Variants in LUZP2 observed in about 807,000 individuals in gnomAD.
LUZP2 encodes the protein leucine zipper protein 2.
LUZP2 carries 52 observed loss-of-function variants against 51.6 expected under a neutral mutation model. The observed-to-expected ratio is 1.01, with a 90% CI of 0.81 to 1.27. LUZP2 has a LOEUF of 1.27. Among genes scored for constraint, LUZP2 ranks in the 50% most tolerant of loss-of-function variants. LUZP2 has a pLI of 0.00. For synonymous variants in LUZP2, 154 were observed against 137.3 expected (o/e 1.12, Z -0.85); for missense variants, 436 against 395.4 (o/e 1.10, Z -0.87).
At chr11:24,906,516 G>A (rs1853458714) in intron 6 of LUZP2, among the ~76,000 whole-genome samples, 1 of 151,420 alleles carries the variant, frequency 6.6e-6, no homozygotes, top group South Asian at 2.1e-4. Context: ...TAGTAAAATT[G>A]TCTCATATAT....
At chr11:25,038,090 T>G (rs1857920210) in intron 9 of LUZP2, among the ~76,000 whole-genome samples, 1 of 152,040 alleles carries the variant, frequency 6.6e-6, no homozygotes, top group African/African-American at 2.4e-5. Context: ...ATATTAATAT[T>G]ATTAAACATA....
intron 5 of LUZP2, among the ~76,000 whole-genome samples, chr11:24,774,865 A>T (rs1449437950): frequency 2.1e-5 from 3 of 145,996 alleles, no homozygotes; most frequent in Non-Finnish European, 4.5e-5. Context: ...TATAAAGAAT[A>T]TATATGTATA....
At chr11:24,619,231 G>A (rs1854407832) in intron 1 of LUZP2, among the ~76,000 whole-genome samples, 1 of 151,930 alleles carries the variant, frequency 6.6e-6, no homozygotes, top group Admixed American at 6.6e-5. Flanking sequence ...ACAGTATCTT[G>A]CTATGTTGTC....
chr11:24,717,309 A>G (rs1432986753), intron 1 of LUZP2, among the ~76,000 whole-genome samples: 1 of 151,268 alleles, frequency 6.6e-6, no homozygotes, highest in Non-Finnish European at 1.5e-5. Flanking sequence ...AAAAACTTTT[A>G]GGTTCAGCAG....
chr11:24,923,961 G>A (rs897080098), intron 7 of LUZP2, among the ~76,000 whole-genome samples: 2 of 152,032 alleles, frequency 1.3e-5, no homozygotes, highest in Non-Finnish European at 2.9e-5. Flanking sequence ...TGAATACCTC[G>A]TTGACTGTTA....
In LUZP2 at chr11:24,654,903, G is replaced by C. The variant is rs545169560; in HGVS notation, c.63-74266G>C. Among the ~76,000 whole-genome samples, 372 of 151,830 alleles carry C rather than the reference G, an allele frequency of 2.5e-3. 2 individuals are homozygous for C. The highest frequency in any genetic ancestry group is 8.7e-3 in the African/African-American group (362 of 41,400). On this transcript the variant is annotated intron_variant, in intron 1 of 11. Transcript: ENST00000336930. Reference sequence around the variant, plus strand: ...GAAAGATTTTTTCCAAAAAAATAAAGATGTTCCTTGGCATTTACCCTATTT... The same window carrying C: ...GAAAGATTTTTTCCAAAAAAATAAACATGTTCCTTGGCATTTACCCTATTT...
chr11:24,584,698 A>G (rs539748223), intron 1 of LUZP2, among the ~76,000 whole-genome samples: 101 of 152,304 alleles, frequency 6.6e-4, no homozygotes, highest in Admixed American at 1.3e-3. Context: ...TGGTGGTGAC[A>G]TTAGTATCCA....
intron 5 of LUZP2, among the ~76,000 whole-genome samples, chr11:24,840,942 T>G (rs1465820893): frequency 6.6e-6 from 1 of 152,032 alleles, no homozygotes; most frequent in Non-Finnish European, 1.5e-5. Flanking sequence ...AACCTGAATA[T>G]GATTGTTGAA....
intron 1 of LUZP2, among the ~76,000 whole-genome samples, chr11:24,542,014 T>C (rs1314420957): frequency 6.6e-6 from 1 of 152,086 alleles, no homozygotes; most frequent in Non-Finnish European, 1.5e-5. Flanking sequence ...GAATTAATGG[T>C]ATACCAAAAA....
chr11:25,000,684 G>A (rs1248894935), intron 9 of LUZP2, among the ~76,000 whole-genome samples: 1 of 152,200 alleles, frequency 6.6e-6, no homozygotes, highest in African/African-American at 2.4e-5. Context: ...GATTTCAGAA[G>A]CCTTTTCCTG....
intron 5 of LUZP2, among the ~76,000 whole-genome samples, chr11:24,833,937 G>A (rs1302587289): frequency 1.3e-5 from 2 of 152,148 alleles, no homozygotes; most frequent in Non-Finnish European, 2.9e-5. Context: ...ATAAGAAAAT[G>A]TCTGGGTTAT....
At chr11:24,845,516 G>T (rs1851172032) in intron 5 of LUZP2, among the ~76,000 whole-genome samples, 1 of 152,060 alleles carries the variant, frequency 6.6e-6, no homozygotes, top group Non-Finnish European at 1.5e-5. Context: ...TGAAATATGA[G>T]GACATGAGGT....
intron 7 of LUZP2, among the ~76,000 whole-genome samples, chr11:24,961,684 G>A (rs148900936): frequency 0.036 from 5,442 of 152,148 alleles, 120 homozygotes; most frequent in Non-Finnish European, 0.053. Context: ...TCATTGATGG[G>A]TCTTGACTCT....
intron 1 of LUZP2, chr11:24,646,519 T>C (rs1855467289): frequency 1.1e-6 from 1 of 875,080 alleles, no homozygotes; most frequent in Non-Finnish European, 1.4e-6. Context: ...ACAGCCCTGC[T>C]TTCCTAATTA....
intron 5 of LUZP2, among the ~76,000 whole-genome samples, chr11:24,879,853 A>T (rs2134289647): frequency 9.6e-6 from 1 of 104,012 alleles, no homozygotes; most frequent in African/African-American, 3.2e-5. Flanking sequence ...TCTTTAATCT[A>T]CCCTCTCCTC....
chr11:25,028,720 T>C (rs1472079302), intron 9 of LUZP2, among the ~76,000 whole-genome samples: 1 of 152,104 alleles, frequency 6.6e-6, no homozygotes, highest in East Asian at 1.9e-4. Context: ...TTCCATTTTA[T>C]ATTGTTTGAT....
chr11:24,707,010 AAG>A (rs1306127167), intron 1 of LUZP2, among the ~76,000 whole-genome samples: 2,759 of 35,098 alleles, frequency 0.079, 22 homozygotes, highest in East Asian at 0.33. Context: ...AAAAAAAAAA[AAG>A]AAAAGAAAGG....
At chr11:24,643,447 A>G (rs1434466429) in intron 1 of LUZP2, among the ~76,000 whole-genome samples, 2 of 152,072 alleles carry the variant, frequency 1.3e-5, no homozygotes, top group East Asian at 1.9e-4. Context: ...CTAGGAGTCA[A>G]TTCTTTCCAG....
At chr11:24,696,686 T>C (rs911225053) in intron 1 of LUZP2, among the ~76,000 whole-genome samples, 2 of 152,084 alleles carry the variant, frequency 1.3e-5, no homozygotes, top group Non-Finnish European at 2.9e-5. Context: ...GTTGGGAAGA[T>C]ATGAAATGTG....
Sources: gnomAD v4.1 joint callset for allele counts (sites outside exome capture counted in the v4.1 genomes callset) on GRCh38, gnomAD v4.1.1 for gene constraint, MANE v1.5 for transcripts, NCBI Gene and HGNC (gene_info 2026-07-23, HGNC 2026-07-21) for gene names.